The following PTPN13 variants were observed in gnomAD, a reference collection of about 807,000 sequenced individuals.
The protein encoded by PTPN13 is protein tyrosine phosphatase non-receptor type 13, also known as tyrosine-protein phosphatase non-receptor type 13.
A neutral mutation model predicts 284.0 loss-of-function variants in PTPN13; 191 were observed. That is an observed-to-expected ratio of 0.67 (90% CI 0.60 to 0.76). The LOEUF (loss-of-function observed/expected upper bound fraction) is 0.76. PTPN13 is among the 30% of genes least tolerant of loss of function. PTPN13 has a pLI of 0.00. For synonymous variants in PTPN13, 986 were observed against 1,022.3 expected (o/e 0.96, Z 0.68); for missense variants, 2,797 against 2,939.9 (o/e 0.95, Z 1.12).
At chr4:86,653,421 T>C (rs113153971) in intron 2 of PTPN13, among the ~76,000 whole-genome samples, 7,020 of 152,212 alleles carry the variant, frequency 0.046, 217 homozygotes, top group African/African-American at 0.06. Context: ...GGATTGAGTA[T>C]TGTGATCTAA....
At chr4:86,811,875 TCTAA>T (rs1412293430) in intron 47 of PTPN13, among the ~76,000 whole-genome samples, 6 of 152,232 alleles carry the variant, frequency 3.9e-5, no homozygotes, top group African/African-American at 1.2e-4. Context: ...CAACTTGTCT[TCTAA>T]CTATTAAGCT....
At position 86,782,278 on chromosome 4, in the gene PTPN13, C is replaced by T. The variant is rs780853242; in HGVS notation, c.6024+16C>T. 3.8e-6 allele frequency: 6 copies of T among 1,582,022 alleles called. No homozygotes were observed. The highest frequency in any genetic ancestry group is 3.5e-6 in the Non-Finnish European group (4 of 1,151,016). On this transcript the variant is annotated intron_variant, in intron 37 of 47. Coordinates refer to ENST00000411767, the MANE Select transcript of PTPN13 (RefSeq NM_080683.3). Reference sequence around the variant, plus strand: ...ATTCTCCACGGTAAGAAAAAGCCCACCCTCTTTCATGTCATACCTCCTTAT... The same window carrying T: ...ATTCTCCACGGTAAGAAAAAGCCCATCCTCTTTCATGTCATACCTCCTTAT...
intron 20 of PTPN13, among the ~76,000 whole-genome samples, chr4:86,755,830 A>G (rs1387244212): frequency 1.3e-5 from 2 of 151,938 alleles, no homozygotes; most frequent in Non-Finnish European, 2.9e-5. Flanking sequence ...TGCATTTTTG[A>G]CTTAGGGTAT....
chr4:86,674,504 G>C lies in PTPN13; in HGVS notation c.294+1961G>C, dbSNP rs569017392. 1.8e-4 allele frequency among the ~76,000 whole-genome samples: 27 copies of C among 152,222 alleles called. No homozygotes were observed. The East Asian group carries it at 4.8e-3, about 27-fold the overall frequency. ...TGTGTGGTGACTAAGCTAAAGGAAG[G>C]CATCTTGATTTGAGCCATCAATTAT... On this transcript the variant is annotated intron_variant, in intron 3 of 47. Transcript: ENST00000411767.
chr4:86,629,651 A>G (rs28663376), intron 1 of PTPN13, among the ~76,000 whole-genome samples: 32,498 of 152,048 alleles, frequency 0.21, 3,679 homozygotes, highest in East Asian at 0.29. Context: ...AAGTCACCAT[A>G]ATTTTCTCCT....
chr4:86,596,304 C>T (rs573170233), intron 1 of PTPN13, among the ~76,000 whole-genome samples: 3 of 152,276 alleles, frequency 2.0e-5, no homozygotes, highest in Middle Eastern at 3.4e-3. Context: ...TTTGAATTTG[C>T]ATTTGTCCCA....
chr4:86,672,351 C>G lies in PTPN13; in HGVS notation c.116-14C>G, dbSNP rs1309918577. ...TTTTTTTTTATTTTTTATTTTGGTG[C>G]AATTACAAACCAGTAAGCCTAGCTG... is the stretch of plus-strand genomic sequence containing the variant. On this transcript the variant is annotated splice_polypyrimidine_tract_variant and intron_variant, in intron 2 of 47. Transcript: ENST00000411767. 1.0e-5 allele frequency: 15 copies of G among 1,499,046 alleles called. No individual in the cohort carries two copies. The South Asian group carries it at 1.8e-4, about 18-fold the overall frequency. The allele number at this position is 1,499,046 out of a possible 1,614,324, so 92.9% of individuals were successfully genotyped here. A position where few individuals can be genotyped will look rare whatever the true frequency, so the allele number is the denominator to read the frequency against.
At chr4:86,733,314 G>A (rs1735139871) in intron 12 of PTPN13, among the ~76,000 whole-genome samples, 1 of 152,000 alleles carries the variant, frequency 6.6e-6, no homozygotes, top group African/African-American at 2.4e-5. Context: ...ATCAATTAGA[G>A]TTGCCATAGC....
intron 7 of PTPN13, among the ~76,000 whole-genome samples, chr4:86,709,877 G>A (rs1445121685): frequency 1.3e-5 from 1 of 75,984 alleles, no homozygotes; most frequent in African/African-American, 4.9e-5. Flanking sequence ...GTGACTAACA[G>A]TTTGTTTACA....
At chr4:86,742,242 C>G (rs1736246093) in intron 16 of PTPN13, among the ~76,000 whole-genome samples, 1 of 152,166 alleles carries the variant, frequency 6.6e-6, no homozygotes, top group African/African-American at 2.4e-5. Context: ...CTCAGAGGTA[C>G]AGAGACTTAC....
chr4:86,793,130 C>T (rs1439176111), intron 40 of PTPN13, among the ~76,000 whole-genome samples: 3 of 152,182 alleles, frequency 2.0e-5, no homozygotes, highest in Non-Finnish European at 2.9e-5. Flanking sequence ...TGTGCAATGA[C>T]GTGCATAGGC....
In PTPN13 at chr4:86,741,656, A is replaced by G. The variant is rs1356352897; in HGVS notation, c.2327A>G (p.Tyr776Cys). Reference sequence around the variant, plus strand: ...CAGGTCTGCCAAAGACTGACAGAATATGGAGTTCATTTTCACCGAGTGCAC... The same window carrying G: ...CAGGTCTGCCAAAGACTGACAGAATGTGGAGTTCATTTTCACCGAGTGCAC... Reference protein sequence around the residue: ...FLKVCQRLTEYGVHFHRVHPE... With the variant: ...FLKVCQRLTECGVHFHRVHPE... Residue 776 changes from tyrosine to cysteine, a missense_variant, in exon 16 of 48, where the codon TAT becomes TGT. Coordinates refer to ENST00000411767, the MANE Select transcript of PTPN13 (RefSeq NM_080683.3). 1 of 1,613,524 alleles carries G rather than the reference A, an allele frequency of 6.2e-7. No individual in the cohort carries two copies. The highest frequency in any genetic ancestry group is 8.5e-7 in the Non-Finnish European group (1 of 1,179,572).
Position 86,807,838 on chromosome 4 carries a change from G to C in PTPN13, c.7024G>C (p.Val2342Leu), listed in dbSNP as rs749068173. ...CAGCAACAGACTTCGACTGGCTCTT[G>C]TGAGAATGCAGCAGCTGAAGGGCTT... ...MVSNRLRLAL[V>L]RMQQLKGFVV... The change falls in exon 45 of 48, where the codon GTG becomes CTG. Residue 2342 changes from valine to leucine, a missense_variant. By Grantham distance (32) the Val-to-Leu change is conservative. Transcript: ENST00000411767. 22 of 1,613,906 alleles carry C rather than the reference G, an allele frequency of 1.4e-5. No individual in the cohort carries two copies. Among genetic ancestry groups the C allele is most frequent in the Non-Finnish European group, 1.3e-5 (15 of 1,179,904 alleles).
chr4:86,674,373 T>C (rs1016446544), intron 3 of PTPN13, among the ~76,000 whole-genome samples: 5 of 152,182 alleles, frequency 3.3e-5, no homozygotes, highest in African/African-American at 9.7e-5. Context: ...AATACATACA[T>C]GTTAAACTTC....
chr4:86,702,769 C>T (rs146763122), intron 7 of PTPN13, among the ~76,000 whole-genome samples: 1,737 of 152,144 alleles, frequency 0.011, 10 homozygotes, highest in Non-Finnish European at 0.013. Context: ...TAATTCTGTA[C>T]ATTTTTTAAG....
chr4:86,770,406 T>C (rs1180063459), intron 30 of PTPN13, among the ~76,000 whole-genome samples: 1 of 152,176 alleles, frequency 6.6e-6, no homozygotes, highest in African/African-American at 2.4e-5. Context: ...ATTCAATTTA[T>C]TTAACTAGGA....
chr4:86,717,175 T>A, intron 9 of PTPN13, 58 bp downstream of exon 9: 3 of 1,270,148 alleles, frequency 2.4e-6, no homozygotes, highest in Middle Eastern at 1.9e-4. Flanking sequence ...TGTTTTTTAT[T>A]TGAATTAAAT....
rs541632942 is a variant in PTPN13, at chr4:86,813,656, G to T, written c.7363-800G>T. 5.9e-5 allele frequency among the ~76,000 whole-genome samples: 9 copies of T among 152,064 alleles called. No homozygotes were observed. In the East Asian group the frequency reaches 1.7e-3, roughly 29 times the overall value. Reference sequence around the variant, plus strand: ...TGGCCAGGCTGGTCTTGAACTCCTGGCCTCAAGTGATCCACCTGCCTCGGC... The same window carrying T: ...TGGCCAGGCTGGTCTTGAACTCCTGTCCTCAAGTGATCCACCTGCCTCGGC... On this transcript the variant is annotated intron_variant, in intron 47 of 47. Transcript: ENST00000411767.
At chr4:86,637,416 T>C (rs1206358629) in intron 2 of PTPN13, among the ~76,000 whole-genome samples, 4 of 151,742 alleles carry the variant, frequency 2.6e-5, no homozygotes, top group Admixed American at 2.6e-4. Flanking sequence ...TGAACATTGA[T>C]GCAAAAATCC....
Sources: gnomAD v4.1 joint callset for allele counts (sites outside exome capture counted in the v4.1 genomes callset) on GRCh38, gnomAD v4.1.1 for gene constraint, MANE v1.5 for transcripts, NCBI Gene and HGNC (gene_info 2026-07-23, HGNC 2026-07-21) for gene names.